Variants in TMTC2 observed in about 807,000 individuals in gnomAD.
TMTC2 encodes the protein transmembrane O-mannosyltransferase targeting cadherins 2, also known as protein O-mannosyl-transferase TMTC2.
In TMTC2, 43 loss-of-function variants were observed where a neutral mutation model predicts 82.4. That is an observed-to-expected ratio of 0.52 (90% CI 0.41 to 0.67). The LOEUF is 0.67. TMTC2 is among the 30% of genes least tolerant of loss of function. The pLI is 0.00. For synonymous variants in TMTC2, 408 were observed against 381.9 expected (o/e 1.07, Z -0.80); for missense variants, 919 against 1,012.4 (o/e 0.91, Z 1.25).
chr12:82,916,324 T>A (rs778537390), intron 3 of TMTC2, among the ~76,000 whole-genome samples: 6 of 152,222 alleles, frequency 3.9e-5, no homozygotes, highest in Non-Finnish European at 5.9e-5. Flanking sequence ...GTCATTATAT[T>A]TGAAAATGCA....
At chr12:82,822,605 G>C (rs1362637600) in intron 1 of TMTC2, among the ~76,000 whole-genome samples, 1 of 152,144 alleles carries the variant, frequency 6.6e-6, no homozygotes, top group Non-Finnish European at 1.5e-5. Flanking sequence ...GGTATCCCTT[G>C]CTATACAGGT....
At chr12:82,967,076 G>A in intron 7 of TMTC2, 79 bp downstream of exon 7, 1 of 1,097,084 alleles carries the variant, frequency 9.1e-7, no homozygotes, top group Non-Finnish European at 1.3e-6. Context: ...GTGTTTAATG[G>A]AATTCTAATA....
chr12:83,066,111 G>A (rs1188050430), intron 11 of TMTC2, among the ~76,000 whole-genome samples: 2 of 151,926 alleles, frequency 1.3e-5, no homozygotes, highest in African/African-American at 4.8e-5. Flanking sequence ...TGGGGAGGGA[G>A]TAGAGGAGAG....
intron 11 of TMTC2, among the ~76,000 whole-genome samples, chr12:83,095,375 G>A (rs921682754): frequency 2.6e-5 from 4 of 151,944 alleles, no homozygotes; most frequent in African/African-American, 9.7e-5. Context: ...CAAGTAGCTG[G>A]GACTACAGGT....
At chr12:82,876,121 GTAT>G (rs1872543761) in intron 2 of TMTC2, among the ~76,000 whole-genome samples, 1 of 128,602 alleles carries the variant, frequency 7.8e-6, no homozygotes, top group African/African-American at 3.1e-5. Context: ...GGTGGTGGTG[GTAT>G]TAGTAATGGT....
chr12:82,919,623 T>C lies in TMTC2; in HGVS notation c.1484-10808T>C, dbSNP rs916475843. Among the ~76,000 whole-genome samples the C allele has an allele frequency of 2.0e-5, 3 of 151,986 alleles. No individual in the cohort carries two copies. In the South Asian group the frequency reaches 6.2e-4, roughly 32 times the overall value. On this transcript the variant is annotated intron_variant, in intron 3 of 11. Transcript: ENST00000321196. The stretch of plus-strand genomic sequence containing the variant: ...GTAACATCAAAGCAAGTTATCTACT[T>C]CAAAAATACAACAGTGAAACAGGCA...
chr12:82,822,289 A>G (rs1869160948), intron 1 of TMTC2, among the ~76,000 whole-genome samples: 1 of 152,144 alleles, frequency 6.6e-6, no homozygotes, highest in African/African-American at 2.4e-5. Flanking sequence ...TGTAAGGTAA[A>G]CTATGGACTT....
At chr12:82,728,936 G>T (rs879298242) in intron 1 of TMTC2, among the ~76,000 whole-genome samples, 3 of 152,218 alleles carry the variant, frequency 2.0e-5, no homozygotes, top group Non-Finnish European at 4.4e-5. Context: ...TGGACTTCTC[G>T]TCGGGCCTTA....
At position 82,843,142 on chromosome 12, in the gene TMTC2, A is replaced by G. The variant is rs529763377; in HGVS notation, c.84-13868A>G. Among the ~76,000 whole-genome samples, 29 of 152,080 alleles carry G rather than the reference A, an allele frequency of 1.9e-4. 1 individual carries two copies. The South Asian group carries it at 3.1e-3, about 16-fold the overall frequency. On this transcript the variant is annotated intron_variant, in intron 1 of 11. Transcript: ENST00000321196. ...CTTTCTTTCTTTTTTTTTGTCTCGC[A>G]GTAGCACAATCTCGGCTCACTGCAA... is the stretch of plus-strand genomic sequence containing the variant.
At chr12:83,001,939 TTTC>T (rs746071218) in intron 8 of TMTC2, among the ~76,000 whole-genome samples, 1 of 152,144 alleles carries the variant, frequency 6.6e-6, no homozygotes, top group Non-Finnish European at 1.5e-5. Flanking sequence ...GACTCGAAGT[TTTC>T]TTTTTTGTTG....
intron 9 of TMTC2, among the ~76,000 whole-genome samples, chr12:83,046,024 C>T (rs1363326834): frequency 1.3e-5 from 2 of 152,126 alleles, no homozygotes; most frequent in East Asian, 1.9e-4. Flanking sequence ...TTAGCCCTCT[C>T]CCAAGTGTAC....
intron 1 of TMTC2, among the ~76,000 whole-genome samples, chr12:82,815,308 A>ATTT (rs1451080558): frequency 8.1e-5 from 12 of 147,432 alleles, no homozygotes; most frequent in African/African-American, 2.8e-4. Context: ...TTAATTAATT[A>ATTT]ATTATTTATT....
chr12:83,072,167 G>A (rs1451130220), intron 11 of TMTC2, among the ~76,000 whole-genome samples: 6 of 152,030 alleles, frequency 3.9e-5, no homozygotes, highest in South Asian at 2.1e-4. Flanking sequence ...TCCTCTTAGC[G>A]CTGCTTTTGC....
chr12:82,961,461 C>T (rs980400161), intron 4 of TMTC2, among the ~76,000 whole-genome samples: 4 of 151,870 alleles, frequency 2.6e-5, no homozygotes, highest in Non-Finnish European at 5.9e-5. Flanking sequence ...GAAACATAAC[C>T]GAGTACACAT....
chr12:83,049,061 T>C (rs980574112), intron 9 of TMTC2, among the ~76,000 whole-genome samples: 1 of 152,218 alleles, frequency 6.6e-6, no homozygotes, highest in Admixed American at 6.5e-5. Context: ...GTAATATTCA[T>C]TAAATAAACA....
intron 1 of TMTC2, among the ~76,000 whole-genome samples, chr12:82,819,487 TTCTC>T (rs1868950845): frequency 1.3e-5 from 2 of 149,296 alleles, no homozygotes; most frequent in Non-Finnish European, 3.0e-5. Context: ...TACTTTTTCT[TTCTC>T]TCTTTCTTTT....
chr12:82,957,326 T>C (rs1877668458), intron 4 of TMTC2, among the ~76,000 whole-genome samples: 1 of 152,144 alleles, frequency 6.6e-6, no homozygotes, highest in African/African-American at 2.4e-5. Flanking sequence ...CAAAATTTTT[T>C]TAAGTAAATG....
At chr12:82,808,083 AT>A (rs1335750361) in intron 1 of TMTC2, among the ~76,000 whole-genome samples, 1 of 151,956 alleles carries the variant, frequency 6.6e-6, no homozygotes, top group Admixed American at 6.6e-5. Flanking sequence ...AATCTTAAAA[AT>A]ATCTTAAAAA....
chr12:83,078,611 A>G (rs149536960), intron 11 of TMTC2, among the ~76,000 whole-genome samples: 76 of 152,312 alleles, frequency 5.0e-4, no homozygotes, highest in Middle Eastern at 3.4e-3. Context: ...TGTAAGTAAT[A>G]GTGAACCTGC....
Sources: allele counts gnomAD v4.1 joint callset (sites outside exome capture counted in the v4.1 genomes callset), GRCh38; gene constraint gnomAD v4.1.1; transcripts MANE v1.5; gene names NCBI Gene and HGNC (gene_info 2026-07-23, HGNC 2026-07-21).